The following DEPTOR variants were observed in gnomAD, a reference collection of about 807,000 sequenced individuals.
DEPTOR encodes the protein DEP domain-containing mTOR-interacting protein.
Under a neutral mutation model 41.6 loss-of-function variants are expected in DEPTOR, and 41 were observed. That is an observed-to-expected ratio of 0.98 (90% confidence interval 0.77 to 1.28). DEPTOR has a LOEUF of 1.28. Among genes scored for constraint, DEPTOR ranks in the 50% most tolerant of loss-of-function variants. DEPTOR has a pLI of 0.00. For missense variants in DEPTOR, 514 were observed against 527.9 expected (o/e 0.97, Z 0.26); for synonymous variants, 195 against 192.3 (o/e 1.01, Z -0.12).
At chr8:119,919,177 A>G (rs1262279238) in intron 1 of DEPTOR, among the ~76,000 whole-genome samples, 1 of 152,230 alleles carries the variant, frequency 6.6e-6, no homozygotes, top group African/African-American at 2.4e-5. Context: ...TGTAAAAAAT[A>G]TACAAATATA....
chr8:119,879,609 G>A (rs1017253807), intron 1 of DEPTOR, among the ~76,000 whole-genome samples: 1 of 151,934 alleles, frequency 6.6e-6, no homozygotes, highest in Non-Finnish European at 1.5e-5. Flanking sequence ...CTACTCAGGA[G>A]GCGAGGCACA....
At chr8:119,981,922 G>T (rs1828772562) in intron 4 of DEPTOR, among the ~76,000 whole-genome samples, 1 of 148,152 alleles carries the variant, frequency 6.7e-6, no homozygotes, top group South Asian at 2.1e-4. Context: ...GGCTGAGGCA[G>T]GAGAATCACT....
intron 1 of DEPTOR, among the ~76,000 whole-genome samples, chr8:119,877,356 T>A (rs1483849306): frequency 1.3e-5 from 2 of 152,206 alleles, no homozygotes; most frequent in African/African-American, 4.8e-5. Context: ...TACAGAGCAG[T>A]ATAATAGTCA....
At chr8:120,009,934 A>T (rs1041338999) in intron 8 of DEPTOR, among the ~76,000 whole-genome samples, 1 of 152,186 alleles carries the variant, frequency 6.6e-6, no homozygotes, top group African/African-American at 2.4e-5. Context: ...CCCTTTGCTT[A>T]AATCTTTGTG....
At chr8:120,011,071 G>C (rs1812525389) in intron 8 of DEPTOR, among the ~76,000 whole-genome samples, 1 of 152,180 alleles carries the variant, frequency 6.6e-6, no homozygotes, top group Non-Finnish European at 1.5e-5. Flanking sequence ...TTTTCCTAGA[G>C]TAGCAATAAG....
chr8:120,013,438 C>T (rs1812562368), intron 8 of DEPTOR, among the ~76,000 whole-genome samples: 1 of 152,146 alleles, frequency 6.6e-6, no homozygotes, highest in Admixed American at 6.5e-5. Context: ...TACAAAGAAG[C>T]CATTTGTATA....
intron 3 of DEPTOR, among the ~76,000 whole-genome samples, chr8:119,930,287 A>T (rs1353047411): frequency 6.6e-6 from 1 of 152,022 alleles, no homozygotes; most frequent in Non-Finnish European, 1.5e-5. Flanking sequence ...CCCAGGCTGG[A>T]GTGCAGTGGC....
At chr8:119,941,450 AG>A (rs1416953714) in intron 3 of DEPTOR, among the ~76,000 whole-genome samples, 1 of 152,090 alleles carries the variant, frequency 6.6e-6, no homozygotes, top group East Asian at 1.9e-4. Context: ...TAAAAAATAA[AG>A]TAAATCAATA....
chr8:119,929,258 G>A (rs1047169938), intron 2 of DEPTOR, among the ~76,000 whole-genome samples: 9 of 151,870 alleles, frequency 5.9e-5, no homozygotes, highest in African/African-American at 1.9e-4. Context: ...ATACCCTTTC[G>A]CCTCATTTTT....
chr8:119,982,807 G>T (rs563020487), intron 4 of DEPTOR, among the ~76,000 whole-genome samples: 1 of 152,180 alleles, frequency 6.6e-6, no homozygotes, highest in African/African-American at 2.4e-5. Context: ...TTTTATCTGG[G>T]AAGGGCAGTC....
intron 7 of DEPTOR, among the ~76,000 whole-genome samples, chr8:120,008,565 C>T (rs79145270): frequency 0.025 from 3,714 of 148,390 alleles, 156 homozygotes; most frequent in African/African-American, 0.086. Context: ...CTTTATTTCC[C>T]ACCATTAGTA....
In DEPTOR at chr8:119,948,730, A is replaced by C. The variant is rs564666645; in HGVS notation, c.426-16502A>C. 2.0e-5 allele frequency among the ~76,000 whole-genome samples: 3 copies of C among 151,914 alleles called. No homozygotes were observed. The South Asian group carries it at 6.3e-4, about 32-fold the overall frequency. On this transcript the variant is annotated intron_variant, in intron 3 of 8. Transcript: ENST00000286234. ...GCCTTCATCTACCCCCTCATCCCTA[A>C]GCAAACATTAATCTACTTTCTGTCT...
intron 1 of DEPTOR, among the ~76,000 whole-genome samples, chr8:119,900,610 A>C (rs1443028555): frequency 2.0e-5 from 3 of 151,490 alleles, no homozygotes; most frequent in Admixed American, 1.3e-4. Context: ...GTTGATCTGG[A>C]ACTCCTGGGC....
In DEPTOR at chr8:120,024,626, T is replaced by C. The variant is rs970366152; in HGVS notation, c.1101+15493T>C. 1.6e-4 allele frequency among the ~76,000 whole-genome samples: 25 copies of C among 152,126 alleles called. 1 individual carries two copies. The stretch of plus-strand genomic sequence containing the variant: ...CGCGAAGGGGAATTGTCCATGTGAC[T>C]GGAGTGGTGCATCTATAAGCCAAGG... On this transcript the variant is annotated intron_variant, in intron 8 of 8. Transcript: ENST00000286234.
intron 4 of DEPTOR, 82 bp downstream of exon 4, chr8:119,965,492 C>G: frequency 6.7e-7 from 1 of 1,502,870 alleles, no homozygotes; most frequent in Admixed American, 2.1e-5. Context: ...GTACTTATTT[C>G]TCACTCATGA....
chr8:119,956,808 C>T (rs1331231070), intron 3 of DEPTOR, among the ~76,000 whole-genome samples: 3 of 142,508 alleles, frequency 2.1e-5, no homozygotes, highest in African/African-American at 5.2e-5. Flanking sequence ...AATCTCAGCT[C>T]ACTGTAACGT....
At chr8:119,946,525 G>A (rs190646370) in intron 3 of DEPTOR, among the ~76,000 whole-genome samples, 13 of 151,484 alleles carry the variant, frequency 8.6e-5, no homozygotes, top group African/African-American at 2.2e-4. Flanking sequence ...TAGATCACTG[G>A]AGATCAGGAG....
intron 3 of DEPTOR, among the ~76,000 whole-genome samples, chr8:119,953,337 C>G (rs1206776258): frequency 1.3e-5 from 2 of 152,146 alleles, no homozygotes; most frequent in Admixed American, 1.3e-4. Context: ...AATCCCAGTA[C>G]TTTGGGAGGC....
chr8:120,037,994 C>T (rs60717250), intron 8 of DEPTOR, among the ~76,000 whole-genome samples: 58,151 of 151,978 alleles, frequency 0.38, 11,594 homozygotes, highest in African/African-American at 0.46. Context: ...CTGCTGGGCC[C>T]GGTGGCTCAC....
Sources: allele counts gnomAD v4.1 joint callset (sites outside exome capture counted in the v4.1 genomes callset), GRCh38; gene constraint gnomAD v4.1.1; transcripts MANE v1.5; gene names NCBI Gene and HGNC (gene_info 2026-07-23, HGNC 2026-07-21).